Variants in PRKAR2A observed in about 807,000 individuals in gnomAD.
The protein encoded by PRKAR2A is cAMP-dependent protein kinase type II-alpha regulatory subunit.
A neutral mutation model predicts 51.9 loss-of-function variants in PRKAR2A; 29 were observed. The observed-to-expected ratio is 0.56, with a 90% CI of 0.42 to 0.76. The LOEUF is 0.76. Ranked by LOEUF, PRKAR2A falls within the 30% of genes least tolerant of loss-of-function variation. The pLI, the probability that PRKAR2A is intolerant of heterozygous loss-of-function variation, is 0.00. For missense variants in PRKAR2A, 445 were observed against 512.1 expected (o/e 0.87, Z 1.26); for synonymous variants, 178 against 186.2 (o/e 0.96, Z 0.36).
chr3:48,764,791 A>G (rs938226108), intron 8 of PRKAR2A, among the ~76,000 whole-genome samples: 1 of 152,008 alleles, frequency 6.6e-6, no homozygotes, highest in Non-Finnish European at 1.5e-5. Context: ...CACCCAGCTA[A>G]TTTTTGTATT....
At chr3:48,746,183 G>T (rs2081559300), downstream of PRKAR2A, among the ~76,000 whole-genome samples, 1 of 151,780 alleles carries the variant, frequency 6.6e-6, no homozygotes, top group South Asian at 2.1e-4. Flanking sequence ...CTTGGGACTT[G>T]CCCACCTCCA....
At chr3:48,784,293 A>C (rs950784946) in intron 4 of PRKAR2A, among the ~76,000 whole-genome samples, 1 of 152,214 alleles carries the variant, frequency 6.6e-6, no homozygotes, top group Non-Finnish European at 1.5e-5. Flanking sequence ...TTATGACTGC[A>C]TAATTCCATG....
chr3:48,825,948 C>T (rs2083056154), intron 1 of PRKAR2A, among the ~76,000 whole-genome samples: 1 of 152,122 alleles, frequency 6.6e-6, no homozygotes, highest in African/African-American at 2.4e-5. Context: ...TTGGGGATCC[C>T]AGGCCACCTG....
In PRKAR2A at chr3:48,841,022, C is replaced by T. The variant is rs1300399867; in HGVS notation, c.262+6313G>A. On this transcript the variant is annotated intron_variant, in intron 1 of 10. Transcript: ENST00000265563. ...TCAGCCTCCCGAGTAGCTGGGATTA[C>T]AGGCGCACACCACCACACCCAGCTA... Among the ~76,000 whole-genome samples, 9 of 150,796 alleles carry T rather than the reference C, an allele frequency of 6.0e-5. No homozygotes were observed. In the East Asian group the frequency reaches 1.0e-3, roughly 17 times the overall value.
chr3:48,758,580 C>CAA (rs527383934), intron 8 of PRKAR2A, among the ~76,000 whole-genome samples: 67 of 50,938 alleles, frequency 1.3e-3, no homozygotes, highest in Non-Finnish European at 1.5e-3. Flanking sequence ...AAGACTGTCT[C>CAA]AAAAAAAAAA....
intron 2 of PRKAR2A, among the ~76,000 whole-genome samples, chr3:48,806,919 C>T (rs994820024): frequency 1.3e-5 from 2 of 151,798 alleles, no homozygotes; most frequent in Admixed American, 1.3e-4. Context: ...TACAGGGGCG[C>T]GCTACTGTGC....
At chr3:48,833,565 G>A (rs1234394896) in intron 1 of PRKAR2A, among the ~76,000 whole-genome samples, 2 of 149,264 alleles carry the variant, frequency 1.3e-5, no homozygotes, top group East Asian at 2.0e-4. Flanking sequence ...AAAATTAGCC[G>A]GATGTGGTGT....
chr3:48,757,815 G>A (rs1415165480), intron 8 of PRKAR2A, among the ~76,000 whole-genome samples: 2 of 152,062 alleles, frequency 1.3e-5, no homozygotes, highest in African/African-American at 4.8e-5. Flanking sequence ...CAGCACTTTG[G>A]GAGGCTGAGG....
At chr3:48,803,322 A>C (rs2082619820) in intron 2 of PRKAR2A, among the ~76,000 whole-genome samples, 1 of 152,092 alleles carries the variant, frequency 6.6e-6, no homozygotes, top group African/African-American at 2.4e-5. Flanking sequence ...AGGCAGGAGG[A>C]TCCCCTAAGC....
intron 1 of PRKAR2A, among the ~76,000 whole-genome samples, chr3:48,840,935 G>A (rs2083371077): frequency 7.2e-6 from 1 of 139,224 alleles, no homozygotes; most frequent in Non-Finnish European, 1.5e-5. Flanking sequence ...AGGCTGGAGT[G>A]CAATGGCGTG....
At chr3:48,823,631 T>G (rs914549736) in intron 1 of PRKAR2A, among the ~76,000 whole-genome samples, 1 of 151,342 alleles carries the variant, frequency 6.6e-6, no homozygotes, top group Non-Finnish European at 1.5e-5. Flanking sequence ...AAAAATTTTT[T>G]TTTAATTAGC....
chr3:48,795,358 A>G (rs1235787737), intron 2 of PRKAR2A, among the ~76,000 whole-genome samples: 1 of 152,170 alleles, frequency 6.6e-6, no homozygotes, highest in East Asian at 1.9e-4. Flanking sequence ...GATAAGAAGG[A>G]CCCTAAAACG....
intron 3 of PRKAR2A, among the ~76,000 whole-genome samples, chr3:48,793,357 A>G (rs1477847310): frequency 1.3e-5 from 2 of 152,150 alleles, no homozygotes; most frequent in African/African-American, 4.8e-5. Context: ...GAAGGATCCA[A>G]CTTTCATTGG....
chr3:48,828,327 T>C (rs998183177), intron 1 of PRKAR2A, among the ~76,000 whole-genome samples: 2 of 151,976 alleles, frequency 1.3e-5, no homozygotes, highest in Non-Finnish European at 2.9e-5. Context: ...AGCCTCAGGG[T>C]AGCTGGGACT....
chr3:48,765,934 G>A (rs770045410), intron 6 of PRKAR2A, among the ~76,000 whole-genome samples: 99 of 152,112 alleles, frequency 6.5e-4, no homozygotes, highest in Non-Finnish European at 7.8e-4. Context: ...AAAATATGAA[G>A]GTTGGCTGAA....
intron 3 of PRKAR2A, among the ~76,000 whole-genome samples, chr3:48,792,465 T>C (rs1476042776): frequency 7.6e-6 from 1 of 132,290 alleles, no homozygotes; most frequent in African/African-American, 2.9e-5. Flanking sequence ...CTTTTTTTTT[T>C]TTTTTTTTTT....
chr3:48,752,506 G>A (rs1160232935), intron 9 of PRKAR2A, among the ~76,000 whole-genome samples, 189 bp from the exon 10 acceptor site: 1 of 152,154 alleles, frequency 6.6e-6, no homozygotes, highest in Non-Finnish European at 1.5e-5. Context: ...GATCAGAAAA[G>A]TCTGCTTTTT....
Position 48,748,235 on chromosome 3 carries a change from C to CT in PRKAR2A, c.*3349dup, listed in dbSNP as rs2081589980. 1 of 151,390 alleles carries CT rather than the reference C, an allele frequency of 6.6e-6. No homozygotes were observed. Among genetic ancestry groups the CT allele is most frequent in the African/African-American group, 2.4e-5 (1 of 41,120 alleles). The allele number at this position is 151,390 out of a possible 1,614,324, so 9.4% of individuals were successfully genotyped here. A position where few individuals can be genotyped will look rare whatever the true frequency, so the allele number is the denominator to read the frequency against. On this transcript the variant is annotated 3_prime_UTR_variant, in exon 11 of 11. Transcript: ENST00000265563. ...TTCAGTCTCCCAGGTTAAAGGAATC[C>CT]TTTCACCTCAGCCTACTGAGTGTGC...
intron 1 of PRKAR2A, among the ~76,000 whole-genome samples, chr3:48,817,754 T>A (rs1184896970): frequency 6.6e-6 from 1 of 150,908 alleles, no homozygotes; most frequent in African/African-American, 2.4e-5. Flanking sequence ...AAAAAACACT[T>A]CATATTTTAA....
Sources: allele counts gnomAD v4.1 joint callset (sites outside exome capture counted in the v4.1 genomes callset), GRCh38; gene constraint gnomAD v4.1.1; transcripts MANE v1.5; gene names NCBI Gene and HGNC (gene_info 2026-07-23, HGNC 2026-07-21).